The following RGS9 variants were observed in gnomAD, a reference collection of about 807,000 sequenced individuals.
RGS9 encodes regulator of G-protein signalling 9.
In RGS9, 78 loss-of-function variants were observed where a neutral mutation model predicts 102.0. That is an observed-to-expected ratio of 0.76 (90% confidence interval 0.64 to 0.92). RGS9 has a LOEUF of 0.92. RGS9 is among the 40% of genes least tolerant of loss of function. RGS9 has a pLI of 0.00. For missense variants in RGS9, 833 were observed against 866.1 expected (o/e 0.96, Z 0.48); for synonymous variants, 353 against 318.6 (o/e 1.11, Z -1.15).
intron 1 of RGS9, among the ~76,000 whole-genome samples, chr17:65,145,209 G>A (rs1490501083): frequency 6.6e-6 from 1 of 152,006 alleles, no homozygotes; most frequent in East Asian, 1.9e-4. Flanking sequence ...TTCTGCCTCA[G>A]CCTCTAGAGT....
chr17:65,147,839 C>T (rs1910429346), intron 1 of RGS9, among the ~76,000 whole-genome samples: 1 of 152,040 alleles, frequency 6.6e-6, no homozygotes, highest in South Asian at 2.1e-4. Context: ...GATCTGTCTG[C>T]CTTACCCTCC....
chr17:65,163,353 A>T (rs928439095), intron 7 of RGS9, among the ~76,000 whole-genome samples: 3 of 150,532 alleles, frequency 2.0e-5, no homozygotes, highest in Admixed American at 2.0e-4. Flanking sequence ...TTTATTTATT[A>T]TTATTATTAT....
intron 14 of RGS9, among the ~76,000 whole-genome samples, chr17:65,203,744 C>T (rs942814341): frequency 2.0e-5 from 3 of 152,086 alleles, no homozygotes; most frequent in African/African-American, 7.2e-5. Flanking sequence ...TTACAAAGCA[C>T]ATGTGGGTTG....
chr17:65,227,133 C>G, intron 18 of RGS9, 142 bp from the exon 19 acceptor site: 1 of 1,019,908 alleles, frequency 9.8e-7, no homozygotes, highest in Non-Finnish European at 1.5e-6. Context: ...AATGCTCTAC[C>G]CCTGAGCTAT....
At chr17:65,160,735 C>T in intron 5 of RGS9, 116 bp from the exon 6 acceptor site, 1 of 1,382,380 alleles carries the variant, frequency 7.2e-7, no homozygotes, top group East Asian at 2.3e-5. Flanking sequence ...GGGCAAGGGG[C>T]TGGGTGTGCT....
chr17:65,172,650 C>G (rs1251104730), intron 8 of RGS9, among the ~76,000 whole-genome samples: 2 of 152,178 alleles, frequency 1.3e-5, no homozygotes, highest in Non-Finnish European at 1.5e-5. Context: ...TGAGCCAAGA[C>G]AGACATTGCC....
chr17:65,186,212 T>G (rs1170086076), intron 9 of RGS9, among the ~76,000 whole-genome samples: 1 of 149,150 alleles, frequency 6.7e-6, no homozygotes. Context: ...ATTTATTTAT[T>G]CTGAGATGGA....
chr17:65,163,243 C>T (rs1161409325), intron 7 of RGS9, among the ~76,000 whole-genome samples, 154 bp downstream of exon 7: 2 of 149,600 alleles, frequency 1.3e-5, no homozygotes, highest in African/African-American at 2.5e-5. Context: ...GGTGTGATCT[C>T]GGCTCACTGC....
At chr17:65,204,057 C>A in intron 14 of RGS9, 106 bp from the exon 15 acceptor site, 2 of 1,371,146 alleles carry the variant, frequency 1.5e-6, no homozygotes, top group Non-Finnish European at 2.1e-6. Context: ...ACCACCCTCA[C>A]CCTCGGTAAC....
intron 8 of RGS9, among the ~76,000 whole-genome samples, chr17:65,169,148 A>G (rs548295365): frequency 5.9e-5 from 9 of 152,192 alleles, no homozygotes; most frequent in Non-Finnish European, 1.3e-4. Flanking sequence ...CTGGTGTCAG[A>G]GTTTATGGAT....
chr17:65,170,701 G>A (rs867316971), intron 8 of RGS9, among the ~76,000 whole-genome samples: 1 of 152,142 alleles, frequency 6.6e-6, no homozygotes, highest in Admixed American at 6.5e-5. Flanking sequence ...TGACAGCACT[G>A]GGGACCCAAG....
rs2143995055 is a variant in RGS9, at chr17:65,160,864, C to T, written c.378C>T (p.Ala126=). The T allele has an allele frequency of 6.2e-7, 1 of 1,613,932 alleles. No individual in the cohort carries two copies. Among genetic ancestry groups the T allele is most frequent in the Admixed American group, 1.7e-5 (1 of 60,028 alleles). The change falls in exon 6 of 19, where the codon GCC becomes GCT. Residue 126 remains alanine, a synonymous_variant. Transcript: ENST00000262406. ...TTTCTTTTCCAGCCATCTATCTGGCCAAGCGAAATATCAAAAAGAAAGGGA... is the reference window on the plus strand; with the variant it reads ...TTTCTTTTCCAGCCATCTATCTGGCTAAGCGAAATATCAAAAAGAAAGGGA... ...AEDTDYAIYL[A]KRNIKKKGIL...
At position 65,197,225 on chromosome 17, in the gene RGS9, CAAGA is replaced by C; in HGVS notation, c.966_969del (p.Lys322AsnfsTer16). 6.2e-7 allele frequency: 1 copy of C among 1,610,532 alleles called. No individual in the cohort carries two copies. On this transcript the variant is annotated frameshift_variant, in exon 13 of 19. Coordinates refer to ENST00000262406, the MANE Select transcript of RGS9 (RefSeq NM_003835.4). LOFTEE classifies it high-confidence loss of function. ...GTCGACAGAGCTTCCAGTACTTCCT[CAAGA>C]AAGAATTCAGTGGTGGGTCTTTGTT...
chr17:65,207,776 C>A, intron 15 of RGS9, 146 bp from the exon 16 acceptor site: 1 of 600,214 alleles, frequency 1.7e-6, no homozygotes, highest in Non-Finnish European at 3.1e-6. Context: ...CTCTCAACAC[C>A]TCCCCCAACA....
intron 16 of RGS9, among the ~76,000 whole-genome samples, chr17:65,209,503 C>T (rs911811168): frequency 2.0e-5 from 3 of 152,160 alleles, no homozygotes; most frequent in Non-Finnish European, 2.9e-5. Flanking sequence ...TTACGTGGGC[C>T]CTCAAAGGCA....
chr17:65,193,692 C>T (rs374746313), intron 12 of RGS9, 36 bp downstream of exon 12: 48 of 1,326,544 alleles, frequency 3.6e-5, no homozygotes, highest in Middle Eastern at 3.6e-4. Context: ...TTTAAAAAAC[C>T]GTTTTTGAGT....
At chr17:65,156,293 G>T (rs1043557551) in intron 2 of RGS9, among the ~76,000 whole-genome samples, 2 of 152,318 alleles carry the variant, frequency 1.3e-5, no homozygotes, top group Admixed American at 6.5e-5. Flanking sequence ...AAAGTGCCGG[G>T]ATTACAGGCA....
At chr17:65,145,550 ATTT>A (rs776371602) in intron 1 of RGS9, among the ~76,000 whole-genome samples, 2 of 108,046 alleles carry the variant, frequency 1.9e-5, no homozygotes, top group East Asian at 4.7e-4. Context: ...ACTCCTGGCT[ATTT>A]TTTTTTTTTT....
chr17:65,178,480 CTATT>C (rs146258319), intron 9 of RGS9, among the ~76,000 whole-genome samples: 13,792 of 150,298 alleles, frequency 0.092, 775 homozygotes, highest in Non-Finnish European at 0.12. Flanking sequence ...TTTTTTTTTC[CTATT>C]TATTTATTTA....
Sources: allele counts gnomAD v4.1 joint callset (sites outside exome capture counted in the v4.1 genomes callset), GRCh38; gene constraint gnomAD v4.1.1; transcripts MANE v1.5; gene names NCBI Gene and HGNC (gene_info 2026-07-23, HGNC 2026-07-21).